Variants in SGK1 observed in about 807,000 individuals in gnomAD.
SGK1 encodes the protein serine/threonine-protein kinase Sgk1.
Under a neutral mutation model 64.2 loss-of-function variants are expected in SGK1, and 26 were observed. The observed-to-expected ratio is 0.40, with a 90% CI of 0.30 to 0.56. SGK1 has a LOEUF of 0.56. SGK1 is among the 20% of genes least tolerant of loss of function. The pLI is 0.38. For missense variants in SGK1, 519 were observed against 645.6 expected, an observed-to-expected ratio of 0.80 and a Z score of 2.12; for synonymous variants, 265 against 239.7, an observed-to-expected ratio of 1.11 and a Z score of -0.98.
chr6:134,170,960 T>G, intron 12 of SGK1, 45 bp from the exon 13 acceptor site: 1 of 1,607,892 alleles, frequency 6.2e-7, no homozygotes, highest in Non-Finnish European at 8.5e-7. Flanking sequence ...GTGCATTCAA[T>G]AAGGGCAGGG....
chr6:134,234,344 A>G (rs1776332692), intron 2 of SGK1, among the ~76,000 whole-genome samples: 1 of 152,186 alleles, frequency 6.6e-6, no homozygotes, highest in Admixed American at 6.5e-5. Flanking sequence ...CAGAGGCTGC[A>G]GTGAGCCAAG....
At chr6:134,174,178 A>G (rs1022639793) in intron 4 of SGK1, 98 bp from the exon 5 acceptor site, 1 of 828,168 alleles carries the variant, frequency 1.2e-6, no homozygotes, top group African/African-American at 1.7e-5. Flanking sequence ...TTCTACCCGG[A>G]TAATTCACTG....
chr6:134,226,033 GC>G (rs775770903), intron 2 of SGK1, among the ~76,000 whole-genome samples: 6 of 151,890 alleles, frequency 4.0e-5, no homozygotes, highest in Admixed American at 1.3e-4. Context: ...AATCACCTAA[GC>G]CCGGGGAGGC....
At chr6:134,195,080 A>G (rs1775576643) in intron 3 of SGK1, among the ~76,000 whole-genome samples, 1 of 152,196 alleles carries the variant, frequency 6.6e-6, no homozygotes, top group Admixed American at 6.5e-5. Flanking sequence ...TAAGTGAGAA[A>G]ATTTCCTGGT....
intron 1 of SGK1, among the ~76,000 whole-genome samples, chr6:134,304,589 C>T (rs557352262): frequency 6.6e-6 from 1 of 152,204 alleles, no homozygotes; most frequent in African/African-American, 2.4e-5. Context: ...TGCACCACTG[C>T]ATTCCAGCCT....
At position 134,177,434 on chromosome 6, in the gene SGK1, T is replaced by C. The variant is rs562848401; in HGVS notation, c.362-2848A>G. Among the ~76,000 whole-genome samples, 4 of 152,308 alleles carry C rather than the reference T, an allele frequency of 2.6e-5. No homozygotes were observed. In the East Asian group the frequency reaches 7.7e-4, roughly 29 times the overall value. ...ACCATTCAACTAGCCTAGCCCAGCC[T>C]AGCTCTGCTCCCACCTGGTTCCTTT... On this transcript the variant is annotated intron_variant, in intron 3 of 13. Transcript: ENST00000367858.
chr6:134,191,760 C>G lies in SGK1; in HGVS notation c.361+15596G>C, dbSNP rs575586773. ...CTCGGCTCACTGCAACCTCTGCCTC[C>G]TGGGTTCAATGGATTCTCCTGCCTC... On this transcript the variant is annotated intron_variant, in intron 3 of 13. Coordinates refer to ENST00000367858, the MANE Select transcript of SGK1 (RefSeq NM_001143676.3). Among the ~76,000 whole-genome samples the G allele has an allele frequency of 3.5e-4, 53 of 151,154 alleles. 1 individual carries two copies. Among genetic ancestry groups the G allele is most frequent in the East Asian group, 2.5e-3 (13 of 5,158 alleles).
intron 2 of SGK1, among the ~76,000 whole-genome samples, chr6:134,246,251 T>A (rs1409274846): frequency 2.6e-5 from 4 of 151,646 alleles, no homozygotes; most frequent in Admixed American, 2.0e-4. Flanking sequence ...CAGGTTCAAG[T>A]GATTCTCCTG....
At chr6:134,266,011 T>A (rs1776849801) in intron 1 of SGK1, among the ~76,000 whole-genome samples, 1 of 151,594 alleles carries the variant, frequency 6.6e-6, no homozygotes, top group Non-Finnish European at 1.5e-5. Context: ...TAAGATGGAG[T>A]CTCTGATTGT....
intron 2 of SGK1, among the ~76,000 whole-genome samples, chr6:134,258,636 CAGA>C (rs1776719100): frequency 6.6e-6 from 1 of 152,018 alleles, no homozygotes; most frequent in Non-Finnish European, 1.5e-5. Context: ...ACCTGGGAGG[CAGA>C]GATTCTAGTA....
chr6:134,314,631 C>G (rs563655420), intron 1 of SGK1, among the ~76,000 whole-genome samples: 39 of 152,300 alleles, frequency 2.6e-4, no homozygotes, highest in Middle Eastern at 6.8e-3. Context: ...ATAGTCAGCT[C>G]TAATAAATAG....
At chr6:134,250,321 T>C (rs1474630598) in intron 2 of SGK1, among the ~76,000 whole-genome samples, 3 of 152,190 alleles carry the variant, frequency 2.0e-5, no homozygotes, top group Non-Finnish European at 4.4e-5. Context: ...AAAGCGTGGT[T>C]TTCTTACGGA....
Position 134,173,029 on chromosome 6 carries a change from A to C in SGK1, c.828T>G (p.Gly276=). 6.2e-7 allele frequency: 1 copy of C among 1,612,644 alleles called. No homozygotes were observed. The highest frequency in any genetic ancestry group is 8.5e-7 in the Non-Finnish European group (1 of 1,178,894). ...KLYFVLDYIN[G]GELFYHLQRE... Reference sequence around the variant, plus strand: ...TTCTATCCCCCCTGCTCACCTCTCCACCATTAATGTAGTCTAGGACAAAGT... The same window carrying C: ...TTCTATCCCCCCTGCTCACCTCTCCCCCATTAATGTAGTCTAGGACAAAGT... Residue 276 remains glycine (G), a synonymous_variant, in exon 8 of 14, where the codon GGT becomes GGG. Transcript: ENST00000367858.
intron 3 of SGK1, among the ~76,000 whole-genome samples, chr6:134,201,732 A>G (rs958541282): frequency 6.6e-6 from 1 of 152,216 alleles, no homozygotes; most frequent in African/African-American, 2.4e-5. Context: ...TCGTACTGCA[A>G]CCATGACTAG....
At chr6:134,290,441 C>T (rs9483674) in intron 1 of SGK1, among the ~76,000 whole-genome samples, 1 of 135,326 alleles carries the variant, frequency 7.4e-6, no homozygotes, top group Middle Eastern at 3.5e-3. Context: ...AAAAAAAAAA[C>T]AAAGACAAAT....
At chr6:134,288,341 A>G (rs1317506926) in intron 1 of SGK1, among the ~76,000 whole-genome samples, 1 of 152,248 alleles carries the variant, frequency 6.6e-6, no homozygotes, top group Non-Finnish European at 1.5e-5. Flanking sequence ...TGCAATAAAC[A>G]CAGAGAACTA....
chr6:134,250,204 GA>G (rs1162083555), intron 2 of SGK1, among the ~76,000 whole-genome samples: 7 of 152,192 alleles, frequency 4.6e-5, no homozygotes, highest in African/African-American at 1.4e-4. Context: ...ATGAACATTG[GA>G]AAAGCAAACT....
intron 3 of SGK1, among the ~76,000 whole-genome samples, chr6:134,191,866 C>T (rs572085419): frequency 2.2e-3 from 100 of 45,476 alleles, no homozygotes; most frequent in African/African-American, 8.2e-3. Flanking sequence ...GACAGAGTCT[C>T]GCTCTGTCAC....
chr6:134,284,171 C>T (rs1191302291), intron 1 of SGK1, among the ~76,000 whole-genome samples: 2 of 152,300 alleles, frequency 1.3e-5, no homozygotes, highest in East Asian at 3.9e-4. Context: ...CAGCTCACTG[C>T]AACCTCTGCC....
Sources: allele counts gnomAD v4.1 joint callset (sites outside exome capture counted in the v4.1 genomes callset), GRCh38; gene constraint gnomAD v4.1.1; transcripts MANE v1.5; gene names NCBI Gene and HGNC (gene_info 2026-07-23, HGNC 2026-07-21).